Variants in AFF2 observed in about 807,000 individuals in gnomAD.
AFF2 encodes the protein ALF transcription elongation factor 2, also known as AF4/FMR2 family member 2.
A neutral mutation model predicts 76.9 loss-of-function variants in AFF2; 14 were observed. The observed-to-expected ratio is 0.18, with a 90% CI of 0.12 to 0.28. The LOEUF (loss-of-function observed/expected upper bound fraction) is 0.28, where lower values mean the gene tolerates loss of function less well. Ranked by LOEUF, AFF2 falls within the 10% of genes least tolerant of loss-of-function variation. AFF2 has a pLI of 1.00. For synonymous variants in AFF2, 398 were observed against 366.7 expected, an observed-to-expected ratio of 1.09 and a Z score of -0.98; for missense variants, 868 against 1,001.1, an observed-to-expected ratio of 0.87 and a Z score of 1.79.
At chrX:148,929,226 T>G (rs1557284110) in intron 9 of AFF2, among the ~76,000 whole-genome samples, 1 of 112,586 alleles carries the variant, frequency 8.9e-6, no homozygotes. Flanking sequence ...CACTGTTGAT[T>G]ATAAGCTGAT....
chrX:148,927,370 C>T (rs1042232796), intron 9 of AFF2, among the ~76,000 whole-genome samples: 9 of 111,083 alleles, frequency 8.1e-5, no homozygotes, highest in Non-Finnish European at 1.5e-4. Context: ...AATCATTCCT[C>T]CCTGTTTTCT....
At chrX:148,762,983 C>T (rs1010789632) in intron 3 of AFF2, among the ~76,000 whole-genome samples, 22 of 112,204 alleles carry the variant, frequency 2.0e-4, no homozygotes, top group Admixed American at 4.7e-4. Context: ...CCCAGGCTGA[C>T]GACACTTTTT....
intron 3 of AFF2, among the ~76,000 whole-genome samples, chrX:148,713,282 C>G (rs1251206765): frequency 9.0e-6 from 1 of 111,367 alleles, no homozygotes; most frequent in Non-Finnish European, 1.9e-5. Context: ...GGATTTTACT[C>G]TAAGTGAGAT....
intron 1 of AFF2, among the ~76,000 whole-genome samples, chrX:148,522,239 T>C (rs1482069517): frequency 1.8e-5 from 2 of 112,708 alleles, no homozygotes; most frequent in Admixed American, 9.4e-5. Context: ...CTCCAAGGAT[T>C]GCAGGTGTAC....
At chrX:148,829,544 G>C (rs1315348106) in intron 4 of AFF2, among the ~76,000 whole-genome samples, 2 of 111,635 alleles carry the variant, frequency 1.8e-5, no homozygotes, top group Admixed American at 9.5e-5. Flanking sequence ...CCCATCCCTG[G>C]GAGAATGACA....
intron 1 of AFF2, among the ~76,000 whole-genome samples, chrX:148,580,100 A>G (rs1450993315): frequency 8.9e-6 from 1 of 111,981 alleles, no homozygotes; most frequent in Non-Finnish European, 1.9e-5. Flanking sequence ...TGAACATGCT[A>G]TGCTGTTTAT....
At chrX:148,752,900 T>A (rs2055518708) in intron 3 of AFF2, among the ~76,000 whole-genome samples, 1 of 111,960 alleles carries the variant, frequency 8.9e-6, no homozygotes, top group African/African-American at 3.2e-5. Flanking sequence ...TTCTTAGACA[T>A]CAGCTACGTT....
intron 3 of AFF2, among the ~76,000 whole-genome samples, chrX:148,765,061 A>C (rs1389735623): frequency 9.0e-6 from 1 of 110,913 alleles, no homozygotes; most frequent in South Asian, 3.9e-4. Flanking sequence ...ACTTTTATTT[A>C]TAGAGATGGG....
At chrX:148,771,315 C>A (rs1402184949) in intron 3 of AFF2, among the ~76,000 whole-genome samples, 2 of 112,021 alleles carry the variant, frequency 1.8e-5, no homozygotes, top group Non-Finnish European at 3.8e-5. Context: ...TAAAGTGTAT[C>A]TAGGAGTAAC....
intron 4 of AFF2, among the ~76,000 whole-genome samples, chrX:148,825,967 G>A (rs1221932008): frequency 1.8e-5 from 2 of 109,591 alleles, no homozygotes; most frequent in African/African-American, 6.7e-5. Flanking sequence ...TGTGTTGCGG[G>A]TGGGGTAGAG....
intron 9 of AFF2, among the ~76,000 whole-genome samples, chrX:148,921,485 C>T (rs2071595340): frequency 8.9e-6 from 1 of 112,268 alleles, no homozygotes; most frequent in Admixed American, 9.4e-5. Context: ...CTGGATATTT[C>T]ATAAAAATGG....
chrX:148,531,909 A>T (rs199763257), intron 1 of AFF2, among the ~76,000 whole-genome samples: 64 of 10,075 alleles, frequency 6.4e-3, no homozygotes, highest in African/African-American at 0.034. Flanking sequence ...TCTTTTTTTT[A>T]AAAAAAAAGC....
intron 1 of AFF2, among the ~76,000 whole-genome samples, chrX:148,628,950 G>C (rs782088678): frequency 1.1e-4 from 12 of 111,949 alleles, no homozygotes; most frequent in Non-Finnish European, 1.7e-4. Flanking sequence ...ATAAGTAAAT[G>C]TGACTTTTAT....
At chrX:148,743,421 T>C (rs888944342) in intron 3 of AFF2, among the ~76,000 whole-genome samples, 2 of 112,151 alleles carry the variant, frequency 1.8e-5, no homozygotes, top group African/African-American at 6.5e-5. Flanking sequence ...CATAGGAGCT[T>C]CTGGAGATAC....
chrX:148,895,952 G>T (rs1245699170), intron 8 of AFF2, among the ~76,000 whole-genome samples: 1 of 111,211 alleles, frequency 9.0e-6, no homozygotes, highest in Non-Finnish European at 1.9e-5. Context: ...ACAGCGATTA[G>T]GTTCACCTTC....
intron 5 of AFF2, among the ~76,000 whole-genome samples, chrX:148,838,207 A>T (rs1245460616): frequency 8.9e-6 from 1 of 112,394 alleles, no homozygotes; most frequent in Non-Finnish European, 1.9e-5. Flanking sequence ...CAAATGTTTA[A>T]TATTATTTTT....
At chrX:148,872,103 T>C (rs782145254) in intron 7 of AFF2, among the ~76,000 whole-genome samples, 16 of 109,452 alleles carry the variant, frequency 1.5e-4, no homozygotes, top group Admixed American at 6.8e-4. Context: ...CTGTGAGACT[T>C]TTTTTTTTAA....
chrX:148,544,205 T>G (rs2052893780), intron 1 of AFF2, among the ~76,000 whole-genome samples: 1 of 112,355 alleles, frequency 8.9e-6, no homozygotes. Flanking sequence ...CATTATATGG[T>G]TACATTTTTC....
At chrX:148,711,227 G>GA (rs1402650814) in intron 3 of AFF2, among the ~76,000 whole-genome samples, 9 of 110,844 alleles carry the variant, frequency 8.1e-5, no homozygotes, top group South Asian at 3.7e-4. Context: ...TTCAGCTCTG[G>GA]AAAAAAAATC....
Sources: gnomAD v4.1 joint callset for allele counts (sites outside exome capture counted in the v4.1 genomes callset) on GRCh38, gnomAD v4.1.1 for gene constraint, MANE v1.5 for transcripts, NCBI Gene and HGNC (gene_info 2026-07-23, HGNC 2026-07-21) for gene names.